Variants in AS3MT observed in about 807,000 individuals in gnomAD.
The protein encoded by AS3MT is S-adenosyl-L-methionine:arsenic(III) methyltransferase.
AS3MT carries 47 observed loss-of-function variants against 45.3 expected under a neutral mutation model. That is an observed-to-expected ratio of 1.04 (90% CI 0.82 to 1.32). The LOEUF (loss-of-function observed/expected upper bound fraction) is 1.32, where lower values mean the gene tolerates loss of function less well. AS3MT is among the 40% of genes most tolerant of loss of function. The pLI, the probability that AS3MT is intolerant of heterozygous loss-of-function variation, is 0.00. For missense variants in AS3MT, 396 were observed against 451.1 expected (o/e 0.88, Z 1.11); for synonymous variants, 141 against 152.8 (o/e 0.92, Z 0.57).
Position 102,901,727 on chromosome 10 carries a change from T to C in AS3MT, c.*1027T>C, listed in dbSNP as rs1046778. 45,502 of 152,140 alleles carry C rather than the reference T, an allele frequency of 0.3. 7,060 individuals are homozygous for C. Among genetic ancestry groups the C allele is most frequent in the East Asian group, 0.47 (2,434 of 5,182 alleles). The allele number at this position is 152,140 out of a possible 1,614,324, so 9.4% of individuals were successfully genotyped here. ...CTTCTGATCTTTTGCATAGCACCTT[T>C]TGGAATTTTCATCATGTTTGCTTAT... On this transcript the variant is annotated 3_prime_UTR_variant, in exon 11 of 11. Coordinates refer to ENST00000369880, the MANE Select transcript of AS3MT (RefSeq NM_020682.4).
chr10:102,874,725 T>A, intron 6 of AS3MT, 64 bp downstream of exon 6: 1 of 1,221,476 alleles, frequency 8.2e-7, no homozygotes, highest in East Asian at 2.5e-5. Flanking sequence ...TTAAGTCTTG[T>A]TTGTTCCCCC....
rs781323286 is a variant in AS3MT at position 102,878,894 on chromosome 10, C to CT, written c.789dup (p.Lys264Ter). ...GCAACATTTCGCCTCTTCAAACACT[C>CT]TAAGACAGGACCAACCAAGAGATGC... On this transcript the variant is annotated frameshift_variant, in exon 9 of 11. Coordinates refer to ENST00000369880, the MANE Select transcript of AS3MT (RefSeq NM_020682.4). LOFTEE classifies it high-confidence loss of function. 6.2e-7 allele frequency: 1 copy of CT among 1,614,032 alleles called. No individual in the cohort carries two copies. The highest frequency in any genetic ancestry group is 8.5e-7 in the Non-Finnish European group (1 of 1,179,974).
intron 10 of AS3MT, among the ~76,000 whole-genome samples, chr10:102,897,491 A>G (rs113282265): frequency 0.092 from 13,707 of 148,886 alleles, 843 homozygotes; most frequent in East Asian, 0.28. Context: ...TTCCTTTGAG[A>G]CAGAGTCTCG....
Position 102,900,604 on chromosome 10 carries a change from A to C in AS3MT, c.1032A>C (p.Thr344=), listed in dbSNP as rs758053368. 6 of 1,613,642 alleles carry C rather than the reference A, an allele frequency of 3.7e-6. No homozygotes were observed. Among genetic ancestry groups the C allele is most frequent in the Non-Finnish European group, 5.1e-6 (6 of 1,179,548 alleles). Residue 344 remains threonine, a synonymous_variant, in exon 11 of 11, where the codon ACA becomes ACC. Transcript: ENST00000369880. ...CSALELKDII[T]DPFKLAEESD... ...TTGCCTTTTGACAGGATATAATCACAGATCCATTTAAGCTTGCAGAAGAGT... is the reference window on the plus strand; with the variant it reads ...TTGCCTTTTGACAGGATATAATCACCGATCCATTTAAGCTTGCAGAAGAGT...
Position 102,900,759 on chromosome 10 carries a change from C to T in AS3MT, c.*59C>T. On this transcript the variant is annotated 3_prime_UTR_variant, in exon 11 of 11. Coordinates refer to ENST00000369880, the MANE Select transcript of AS3MT (RefSeq NM_020682.4). ...CAAGAGTGATCTGCATGTTTTTTAA[C>T]CTGCTTTTCCCCATAGCACAGACCA... 7.6e-7 allele frequency: 1 copy of T among 1,311,462 alleles called. No individual in the cohort carries two copies. The highest frequency in any genetic ancestry group is 1.1e-6 in the Non-Finnish European group (1 of 906,724). The allele number at this position is 1,311,462 out of a possible 1,614,324, so 81.2% of individuals were successfully genotyped here.
At position 102,872,963 on chromosome 10, in the gene AS3MT, G is replaced by A. The variant is rs35348971; in HGVS notation, c.322-134G>A. On this transcript the variant is annotated intron_variant, in intron 4 of 10. Coordinates refer to ENST00000369880, the MANE Select transcript of AS3MT (RefSeq NM_020682.4). ...TGTCCCAGGTTGTAGTATATCCTAC[G>A]TGTCCACAGGAATCTTGTATGTTTA... 1.7e-3 allele frequency: 1,315 copies of A among 758,008 alleles called. 13 individuals carry two copies. In the African/African-American group the frequency reaches 0.021, roughly 12 times the overall value. 47.0% of individuals were successfully genotyped at this position (758,008 alleles called of 1,614,324 possible). A position where few individuals can be genotyped will look rare whatever the true frequency, so the allele number is the denominator to read the frequency against.
At chr10:102,885,771 C>T (rs1378906653) in intron 9 of AS3MT, among the ~76,000 whole-genome samples, 1 of 96,196 alleles carries the variant, frequency 1.0e-5, no homozygotes, top group African/African-American at 3.7e-5. Flanking sequence ...CCTCGTGATC[C>T]GCCCGCCTCG....
chr10:102,879,768 CAAAA>C (rs1191489555), intron 9 of AS3MT, among the ~76,000 whole-genome samples: 5 of 60,708 alleles, frequency 8.2e-5, no homozygotes, highest in Non-Finnish European at 1.2e-4. Context: ...GACTCCATCT[CAAAA>C]AAAAAAAAAA....
intron 10 of AS3MT, among the ~76,000 whole-genome samples, chr10:102,894,006 C>T (rs1283027392): frequency 6.6e-6 from 1 of 152,208 alleles, no homozygotes; most frequent in Non-Finnish European, 1.5e-5. Context: ...CCCACCAAGG[C>T]ACAAGATGGA....
chr10:102,873,237 G>T lies in AS3MT; in HGVS notation c.458+4G>T. 2 of 1,585,808 alleles carry T rather than the reference G, an allele frequency of 1.3e-6. No homozygotes were observed. Among genetic ancestry groups the T allele is most frequent in the Admixed American group, 1.9e-5 (1 of 52,208 alleles). On this transcript the variant is annotated splice_donor_region_variant and intron_variant, in intron 5 of 10. Coordinates refer to ENST00000369880, the MANE Select transcript of AS3MT (RefSeq NM_020682.4). ...ATGAGAGCCATGATATTGTTGTGTA[G>T]GTCTATATTCTTACTGTTATGACTA...
chr10:102,895,967 G>T (rs1255000022), intron 10 of AS3MT, among the ~76,000 whole-genome samples: 1 of 151,750 alleles, frequency 6.6e-6, no homozygotes, highest in Non-Finnish European at 1.5e-5. Context: ...GTAGAGACGG[G>T]GTTTTACCAT....
intron 9 of AS3MT, among the ~76,000 whole-genome samples, chr10:102,883,985 T>C (rs1318592100): frequency 6.0e-5 from 9 of 149,020 alleles, no homozygotes; most frequent in Non-Finnish European, 1.0e-4. Flanking sequence ...TATTTCTTTT[T>C]TTTTTTTTTT....
chr10:102,897,482 T>C (rs76458813), intron 10 of AS3MT, among the ~76,000 whole-genome samples: 2 of 150,660 alleles, frequency 1.3e-5, no homozygotes, highest in Non-Finnish European at 3.0e-5. Context: ...TTTTTTTTTT[T>C]CCTTTGAGAC....
intron 10 of AS3MT, 60 bp from the exon 11 acceptor site, chr10:102,900,533 T>A: frequency 8.5e-7 from 1 of 1,176,970 alleles, no homozygotes; most frequent in South Asian, 1.2e-5. Context: ...GAAATATTAG[T>A]GTTTGGGTAC....
chr10:102,878,858 G>T lies in AS3MT; in HGVS notation c.752G>T (p.Arg251Leu). The T allele has an allele frequency of 1.2e-6, 2 of 1,611,770 alleles. No individual in the cohort carries two copies. The highest frequency in any genetic ancestry group is 2.7e-5 in the African/African-American group (2 of 74,892). The change falls in exon 9 of 11, where the codon CGT becomes CTT. Residue 251 changes from arginine to leucine, a missense_variant. Arg to Leu is a moderately radical substitution (Grantham distance 102, BLOSUM62 -2). Transcript: ENST00000369880. ...KELERVIGDC[R>L]FVSATFRLFK... is the part of the protein sequence containing the mutation. Reference sequence around the variant, plus strand: ...TAAATTCTATTTTTAGGTGACTGTCGTTTTGTTTCTGCAACATTTCGCCTC... The same window carrying T: ...TAAATTCTATTTTTAGGTGACTGTCTTTTTGTTTCTGCAACATTTCGCCTC...
intron 6 of AS3MT, 121 bp from the exon 7 acceptor site, chr10:102,876,833 G>A: frequency 1.0e-6 from 1 of 958,124 alleles, no homozygotes; most frequent in East Asian, 2.5e-5. Flanking sequence ...TTCACAAAGG[G>A]TCAGCTTAAA....
At chr10:102,894,115 G>A (rs78561456) in intron 10 of AS3MT, among the ~76,000 whole-genome samples, 2,849 of 152,096 alleles carry the variant, frequency 0.019, 64 homozygotes, top group South Asian at 0.12. Context: ...GCCAGAATGC[G>A]GAGAAAGTAA....
At chr10:102,871,789 A>C (rs1482081219) in intron 3 of AS3MT, among the ~76,000 whole-genome samples, 2 of 151,870 alleles carry the variant, frequency 1.3e-5, no homozygotes, top group Admixed American at 1.3e-4. Context: ...TGGGACAGAA[A>C]CCTTACATTT....
intron 10 of AS3MT, among the ~76,000 whole-genome samples, chr10:102,892,517 T>C (rs1266271525): frequency 6.6e-6 from 1 of 152,154 alleles, no homozygotes; most frequent in African/African-American, 2.4e-5. Flanking sequence ...GGTTATTATG[T>C]GTGTGGCACC....
Sources: allele counts gnomAD v4.1 joint callset (sites outside exome capture counted in the v4.1 genomes callset), GRCh38; gene constraint gnomAD v4.1.1; transcripts MANE v1.5; gene names NCBI Gene and HGNC (gene_info 2026-07-23, HGNC 2026-07-21).